Variants in CNTN3 observed in about 807,000 individuals in gnomAD.
CNTN3 encodes the protein contactin 3.
A neutral mutation model predicts 119.1 loss-of-function variants in CNTN3; 60 were observed. The ratio of observed to expected loss-of-function variants is 0.50; its 90% CI spans 0.41 to 0.62. The LOEUF (loss-of-function observed/expected upper bound fraction) is 0.62, where lower values mean the gene tolerates loss of function less well. Ranked by LOEUF, CNTN3 falls within the 20% of genes least tolerant of loss-of-function variation. CNTN3 has a pLI of 0.00. For missense variants in CNTN3, 1,101 were observed against 1,242.4 expected (o/e 0.89, Z 1.71); for synonymous variants, 450 against 438.7 (o/e 1.03, Z -0.32).
intron 20 of CNTN3, among the ~76,000 whole-genome samples, chr3:74,273,199 A>C (rs1214326745): frequency 2.6e-5 from 4 of 152,184 alleles, no homozygotes; most frequent in Non-Finnish European, 5.9e-5. Context: ...TTTAATAAAA[A>C]CCGTCTGAAA....
chr3:74,410,147 C>T, intron 5 of CNTN3, among the ~76,000 whole-genome samples: 1 of 152,170 alleles, frequency 6.6e-6, no homozygotes, highest in South Asian at 2.1e-4. Flanking sequence ...ATATCTTGTT[C>T]TAATAGCCCA....
At chr3:74,586,132 C>T (rs1704588718) in intron 1 of CNTN3, among the ~76,000 whole-genome samples, 1 of 152,062 alleles carries the variant, frequency 6.6e-6, no homozygotes, top group South Asian at 2.1e-4. Flanking sequence ...TTGGCTGGCA[C>T]AGGACAAGAC....
At chr3:74,437,142 T>G (rs11915713) in intron 4 of CNTN3, among the ~76,000 whole-genome samples, 122,839 of 152,178 alleles carry the variant, frequency 0.81, 50,034 homozygotes, top group African/African-American at 0.9. Flanking sequence ...GCTCATTTGC[T>G]AAATCAAACA....
intron 1 of CNTN3, among the ~76,000 whole-genome samples, chr3:74,579,463 G>C (rs1197221394): frequency 1.3e-5 from 2 of 151,332 alleles, no homozygotes; most frequent in African/African-American, 2.4e-5. Flanking sequence ...AACACCACTA[G>C]AGCATATGGT....
intron 1 of CNTN3, among the ~76,000 whole-genome samples, chr3:74,524,387 A>G (rs780845939): frequency 8.6e-5 from 13 of 151,978 alleles, no homozygotes; most frequent in South Asian, 8.3e-4. Flanking sequence ...CCTTGTTTAA[A>G]TGAGTATGGG....
intron 1 of CNTN3, among the ~76,000 whole-genome samples, chr3:74,537,785 T>C (rs1010923317): frequency 6.6e-6 from 1 of 152,030 alleles, no homozygotes; most frequent in African/African-American, 2.4e-5. Flanking sequence ...GAAGGGAGGA[T>C]TTCCTTCAAA....
intron 5 of CNTN3, among the ~76,000 whole-genome samples, chr3:74,414,196 GTTTT>G (rs557022094): frequency 2.6e-5 from 4 of 152,070 alleles, no homozygotes; most frequent in Non-Finnish European, 5.9e-5. Flanking sequence ...TTTTGTAAAA[GTTTT>G]TTTAAAATTA....
At chr3:74,350,879 C>T (rs536257708) in intron 11 of CNTN3, among the ~76,000 whole-genome samples, 3 of 151,364 alleles carry the variant, frequency 2.0e-5, no homozygotes, top group Non-Finnish European at 2.9e-5. Context: ...ACAATGGGTA[C>T]ACATGGACAT....
chr3:74,351,713 G>A (rs1703819984), intron 11 of CNTN3, among the ~76,000 whole-genome samples: 1 of 152,124 alleles, frequency 6.6e-6, no homozygotes, highest in South Asian at 2.1e-4. Context: ...TGGCTAATAG[G>A]GGAAGATTTG....
chr3:74,571,482 C>T (rs1030932231), intron 1 of CNTN3, among the ~76,000 whole-genome samples: 1 of 152,136 alleles, frequency 6.6e-6, no homozygotes, highest in African/African-American at 2.4e-5. Context: ...CCTGGATACG[C>T]TACCTCTCAT....
chr3:74,507,795 C>T (rs1288821669), intron 2 of CNTN3, among the ~76,000 whole-genome samples: 1 of 151,980 alleles, frequency 6.6e-6, no homozygotes, highest in African/African-American at 2.4e-5. Context: ...CCACACCCGG[C>T]TAACTTTCTG....
At chr3:74,536,997 A>AAC (rs10663609) in intron 1 of CNTN3, among the ~76,000 whole-genome samples, 2 of 150,616 alleles carry the variant, frequency 1.3e-5, no homozygotes, top group African/African-American at 2.4e-5. Flanking sequence ...TTTCATTTAA[A>AAC]ACACACACAC....
chr3:74,359,971 T>C (rs1355222311), intron 11 of CNTN3, among the ~76,000 whole-genome samples: 1 of 152,196 alleles, frequency 6.6e-6, no homozygotes, highest in Non-Finnish European at 1.5e-5. Flanking sequence ...TGCAAATCAC[T>C]AATTAACCTC....
At chr3:74,303,494 A>C in intron 13 of CNTN3, among the ~76,000 whole-genome samples, 1 of 152,154 alleles carries the variant, frequency 6.6e-6, no homozygotes, top group East Asian at 1.9e-4. Context: ...GGAGTTTGAG[A>C]CCAGCCCGGC....
At chr3:74,430,405 A>G (rs1016582344) in intron 4 of CNTN3, among the ~76,000 whole-genome samples, 1 of 152,150 alleles carries the variant, frequency 6.6e-6, no homozygotes, top group Non-Finnish European at 1.5e-5. Flanking sequence ...GTTACTTACT[A>G]TATGATTCCA....
intron 17 of CNTN3, 106 bp from the exon 18 acceptor site, chr3:74,298,297 A>T (rs566410325): frequency 2.2e-4 from 146 of 668,280 alleles, no homozygotes; most frequent in Non-Finnish European, 3.4e-4. Context: ...TCAAATAATC[A>T]TCTACATTGT....
intron 20 of CNTN3, 114 bp downstream of exon 20, chr3:74,285,191 A>C: frequency 8.6e-7 from 1 of 1,156,568 alleles, no homozygotes; most frequent in East Asian, 2.5e-5. Flanking sequence ...AGTTAGGTTT[A>C]TATAATCTAG....
intron 4 of CNTN3, among the ~76,000 whole-genome samples, chr3:74,440,466 G>GA (rs1701944172): frequency 7.2e-6 from 1 of 139,004 alleles, no homozygotes; most frequent in African/African-American, 2.7e-5. Flanking sequence ...CCAACTTAAA[G>GA]CTTAAAAAGC....
chr3:74,583,647 C>T (rs953266191), intron 1 of CNTN3, among the ~76,000 whole-genome samples: 2 of 152,086 alleles, frequency 1.3e-5, no homozygotes, highest in Non-Finnish European at 2.9e-5. Context: ...TCTATGGGTA[C>T]CTGTGACTAG....
Sources: allele counts gnomAD v4.1 joint callset (sites outside exome capture counted in the v4.1 genomes callset), GRCh38; gene constraint gnomAD v4.1.1; transcripts MANE v1.5; gene names NCBI Gene and HGNC (gene_info 2026-07-23, HGNC 2026-07-21).